HPS3: variants seen among roughly 807,000 people sequenced by gnomAD.
The protein encoded by HPS3 is HPS3 biogenesis of lysosomal organelles complex 2 subunit 1, also known as BLOC-2 complex member HPS3.
HPS3 carries 79 observed loss-of-function variants against 110.9 expected under a neutral mutation model. That is an observed-to-expected ratio of 0.71 (90% CI 0.59 to 0.86). HPS3 has a LOEUF of 0.86. Among genes scored for constraint, HPS3 ranks in the 40% least tolerant of loss-of-function variants. The pLI is 0.00. For missense variants in HPS3, 1,197 were observed against 1,206.2 expected (o/e 0.99, Z 0.11); for synonymous variants, 428 against 451.0 (o/e 0.95, Z 0.65).
At chr3:149,160,011 C>T (rs775185709) in intron 10 of HPS3, 35 bp from the exon 11 acceptor site, 3 of 1,505,562 alleles carry the variant, frequency 2.0e-6, no homozygotes, top group South Asian at 2.3e-5. Flanking sequence ...GCTGACTGAC[C>T]TTTTATTCCT....
intron 5 of HPS3, among the ~76,000 whole-genome samples, chr3:149,147,195 A>G (rs1722828272): frequency 6.6e-6 from 1 of 152,178 alleles, no homozygotes; most frequent in Admixed American, 6.5e-5. Flanking sequence ...AATGTGGGGC[A>G]AAAGAGATGT....
Position 149,172,393 on chromosome 3 carries a change from C to T in HPS3, c.*171C>T, listed in dbSNP as rs1412782986. 5 of 569,096 alleles carry T rather than the reference C, an allele frequency of 8.8e-6. No individual in the cohort carries two copies. Among genetic ancestry groups the T allele is most frequent in the Non-Finnish European group, 1.3e-5 (4 of 318,042 alleles). 35.3% of individuals were successfully genotyped at this position (569,096 alleles called of 1,614,324 possible). On this transcript the variant is annotated 3_prime_UTR_variant, in exon 17 of 17. Coordinates refer to ENST00000296051, the MANE Select transcript of HPS3 (RefSeq NM_032383.5). Reference sequence around the variant, plus strand: ...AATGCTTTCAGGCTGCTTACCTTACCGTGTAGTGGTAACTATTCACTTCTT... The same window carrying T: ...AATGCTTTCAGGCTGCTTACCTTACTGTGTAGTGGTAACTATTCACTTCTT...
At chr3:149,136,056 T>C (rs933795470) in intron 1 of HPS3, among the ~76,000 whole-genome samples, 1 of 152,110 alleles carries the variant, frequency 6.6e-6, no homozygotes, top group African/African-American at 2.4e-5. Flanking sequence ...TAAAAATCAG[T>C]AACTCTAAGC....
intron 16 of HPS3, among the ~76,000 whole-genome samples, chr3:149,171,696 T>G (rs1725006175): frequency 7.0e-6 from 1 of 142,104 alleles, no homozygotes; most frequent in South Asian, 2.2e-4. Context: ...CTGAACTGGC[T>G]TCTTTTTTTT....
intron 1 of HPS3, 41 bp downstream of exon 1, chr3:149,129,981 T>C (rs889851746): frequency 1.3e-6 from 2 of 1,507,852 alleles, no homozygotes; most frequent in Non-Finnish European, 1.8e-6. Context: ...GGGGTCCAGC[T>C]TGAGGCCTCC....
chr3:149,146,436 T>C (rs1184294942), intron 5 of HPS3, among the ~76,000 whole-genome samples: 1 of 152,198 alleles, frequency 6.6e-6, no homozygotes. Context: ...AAGTGAAGCA[T>C]GAAAGCTAGC....
intron 14 of HPS3, among the ~76,000 whole-genome samples, chr3:149,166,700 C>T (rs566149483): frequency 3.8e-4 from 58 of 152,194 alleles, no homozygotes; most frequent in Non-Finnish European, 1.3e-4. Flanking sequence ...CATCATTGGA[C>T]GTAAATCTTT....
chr3:149,157,208 G>T, intron 8 of HPS3, 142 bp from the exon 9 acceptor site: 1 of 755,988 alleles, frequency 1.3e-6, no homozygotes, highest in Non-Finnish European at 2.2e-6. Context: ...TGTCAGAATG[G>T]TGAATAACCA....
At chr3:149,171,403 A>G (rs754570428) in intron 16 of HPS3, among the ~76,000 whole-genome samples, 27 of 150,772 alleles carry the variant, frequency 1.8e-4, no homozygotes, top group Admixed American at 7.2e-4. Context: ...TAATACGGGA[A>G]AACATTGGTG....
At chr3:149,166,246 G>A (rs1724400795) in intron 14 of HPS3, among the ~76,000 whole-genome samples, 2 of 152,198 alleles carry the variant, frequency 1.3e-5, no homozygotes, top group Admixed American at 1.3e-4. Context: ...TTGTGACAAA[G>A]TGGTATTGAT....
chr3:149,130,317 T>TA (rs1721682145), intron 1 of HPS3: 1 of 256,734 alleles, frequency 3.9e-6, no homozygotes, highest in Non-Finnish European at 7.5e-6. Flanking sequence ...AGGAGACTAG[T>TA]ACTGTATCCC....
intron 6 of HPS3, among the ~76,000 whole-genome samples, chr3:149,151,905 C>T (rs985930305): frequency 6.6e-6 from 1 of 152,202 alleles, no homozygotes; most frequent in African/African-American, 2.4e-5. Flanking sequence ...GTTATCTTAA[C>T]AAGCCAGCCC....
chr3:149,144,147 T>C (rs35896655), intron 4 of HPS3, among the ~76,000 whole-genome samples: 14,291 of 147,072 alleles, frequency 0.097, 760 homozygotes, highest in South Asian at 0.18. Flanking sequence ...GAGGCTGAGG[T>C]GGGTGGATCA....
At chr3:149,157,588 T>G (rs1723536726) in intron 9 of HPS3, 57 bp downstream of exon 9, 2 of 1,497,466 alleles carry the variant, frequency 1.3e-6, no homozygotes, top group South Asian at 1.1e-5. Flanking sequence ...TTGGGTACAC[T>G]TGTTAGCTTT....
intron 5 of HPS3, among the ~76,000 whole-genome samples, chr3:149,146,369 G>A (rs1722779413): frequency 1.3e-5 from 2 of 152,198 alleles, no homozygotes; most frequent in African/African-American, 4.8e-5. Context: ...ATTGGGAGGA[G>A]GGAAGTTACT....
At chr3:149,148,399 C>CTTTTTTTTTTT (rs66720211) in intron 5 of HPS3, among the ~76,000 whole-genome samples, 1 of 100,372 alleles carries the variant, frequency 1.0e-5, no homozygotes, top group African/African-American at 4.2e-5. Context: ...CATATCAAGA[C>CTTTTTTTTTTT]TTTTTTTTTT....
At position 149,140,332 on chromosome 3, in the gene HPS3, C is replaced by A; in HGVS notation, c.546C>A (p.His182Gln). 1 of 1,613,386 alleles carries A rather than the reference C, an allele frequency of 6.2e-7. No homozygotes were observed. Among genetic ancestry groups the A allele is most frequent in the Non-Finnish European group, 8.5e-7 (1 of 1,179,410 alleles). The change falls in exon 2 of 17, where the codon CAC (histidine) becomes CAA (glutamine). Residue 182 changes from histidine to glutamine, a missense_variant. Coordinates refer to ENST00000296051, the MANE Select transcript of HPS3 (RefSeq NM_032383.5). ...ACTTTGAACGTTCTTTAATTATACACATAGATAATATCACTCCTGTTGAGG... is the reference window on the plus strand; with the variant it reads ...ACTTTGAACGTTCTTTAATTATACAAATAGATAATATCACTCCTGTTGAGG... Reference protein sequence around the residue: ...LLDFERSLIIHIDNITPVEVS... With the variant: ...LLDFERSLIIQIDNITPVEVS...
rs759266104 is a variant in HPS3 at position 149,145,438 on chromosome 3, G to A, written c.1055G>A (p.Gly352Asp). The A allele has an allele frequency of 6.2e-7, 1 of 1,613,466 alleles. No homozygotes were observed. The highest frequency in any genetic ancestry group is 8.5e-7 in the Non-Finnish European group (1 of 1,179,480). ...TGCTTTTTCTCCTTACCTCATGTGGGCTATCTCTACATGGTTGTCAAATCT... is the reference window on the plus strand; with the variant it reads ...TGCTTTTTCTCCTTACCTCATGTGGACTATCTCTACATGGTTGTCAAATCT... ...LFCFFSLPHV[G>D]YLYMVVKSVE... is the part of the protein sequence containing the mutation. Residue 352 changes from glycine (G) to aspartate (D), a missense_variant, in exon 5 of 17, where the codon GGC becomes GAC. Physicochemically the swap from Gly to Asp is moderately conservative, Grantham distance 94 (BLOSUM62 -1). Transcript: ENST00000296051.
rs566197622 is a variant in HPS3, at chr3:149,145,711, A to G, written c.1163+165A>G. ...TTTGATGACCCATACCTGCCTTTTC[A>G]ATGTCAAAGATTTAGACTCTGGTTT... On this transcript the variant is annotated intron_variant, in intron 5 of 16. Transcript: ENST00000296051. 9.8e-5 allele frequency among the ~76,000 whole-genome samples: 15 copies of G among 152,288 alleles called. No homozygotes were observed. The East Asian group carries it at 2.9e-3, about 29-fold the overall frequency.
Sources: gnomAD v4.1 joint callset for allele counts (sites outside exome capture counted in the v4.1 genomes callset) on GRCh38, gnomAD v4.1.1 for gene constraint, MANE v1.5 for transcripts, NCBI Gene and HGNC (gene_info 2026-07-23, HGNC 2026-07-21) for gene names.